The following TRIML1 variants were observed in gnomAD, a reference collection of about 807,000 sequenced individuals.
The protein encoded by TRIML1 is tripartite motif family like 1.
In TRIML1, 34 loss-of-function variants were observed where a neutral mutation model predicts 32.3. The observed-to-expected ratio is 1.05, with a 90% CI of 0.80 to 1.40. The LOEUF is 1.40. Ranked by LOEUF, TRIML1 falls within the 40% of genes most tolerant of loss-of-function variation. The probability of loss-of-function intolerance (pLI) is 0.00; values close to 1 mark genes in which losing one functional copy is unlikely to be tolerated. For synonymous variants in TRIML1, 244 were observed against 226.6 expected (o/e 1.08, Z -0.69); for missense variants, 595 against 574.9 (o/e 1.03, Z -0.36).
chr4:188,140,839 T>G, intron 2 of TRIML1: 1 of 473,132 alleles, frequency 2.1e-6, no homozygotes, highest in East Asian at 3.4e-5. Context: ...CTCCTTTGCA[T>G]AACTAGACAA....
At chr4:188,144,647 C>G (rs980221287) in intron 5 of TRIML1, among the ~76,000 whole-genome samples, 1 of 152,024 alleles carries the variant, frequency 6.6e-6, no homozygotes, top group South Asian at 2.1e-4. Flanking sequence ...CAGGCGTGAG[C>G]CACTGCGCCC....
downstream of TRIML1, among the ~76,000 whole-genome samples, chr4:188,149,379 T>C (rs140622482): frequency 8.5e-5 from 13 of 152,280 alleles, no homozygotes; most frequent in African/African-American, 3.1e-4. Flanking sequence ...ACTGTGTTAT[T>C]ACTAAGATGT....
At chr4:188,140,111 C>T in intron 1 of TRIML1, 145 bp downstream of exon 1, 1 of 806,014 alleles carries the variant, frequency 1.2e-6, no homozygotes, top group Non-Finnish European at 1.9e-6. Context: ...GTCCAGTTTA[C>T]ACCCTTTTTT....
Position 188,147,583 on chromosome 4 carries a change from T to C in TRIML1, c.*211T>C, listed in dbSNP as rs1442425403. ...AACCCCAATAGAAGAGAGCTGATCA[T>C]ATTCTGTGTCTTTAAGTAAATGTAT... On this transcript the variant is annotated 3_prime_UTR_variant, in exon 6 of 6. Transcript: ENST00000332517. 1 of 397,268 alleles carries C rather than the reference T, an allele frequency of 2.5e-6. No homozygotes were observed. The highest frequency in any genetic ancestry group is 4.4e-6 in the Non-Finnish European group (1 of 227,120). The allele number at this position is 397,268 out of a possible 1,614,324, so 24.6% of individuals were successfully genotyped here.
At chr4:188,142,672 C>A (rs76597086) in intron 3 of TRIML1, among the ~76,000 whole-genome samples, 190 bp downstream of exon 3, 14,129 of 148,770 alleles carry the variant, frequency 0.095, 782 homozygotes, top group East Asian at 0.23. Flanking sequence ...AAAAAAAAAA[C>A]ACATCCAGAG....
At chr4:188,150,108 T>A (rs891595483), downstream of TRIML1, among the ~76,000 whole-genome samples, 1 of 145,082 alleles carries the variant, frequency 6.9e-6, no homozygotes, top group African/African-American at 2.6e-5. Flanking sequence ...CCGGCCTTAT[T>A]TTATTTATTT....
At chr4:188,146,069 G>A (rs1206605252) in intron 5 of TRIML1, among the ~76,000 whole-genome samples, 2 of 152,154 alleles carry the variant, frequency 1.3e-5, no homozygotes, top group Non-Finnish European at 2.9e-5. Flanking sequence ...AAGAATGCTT[G>A]CAGTGATTAA....
rs1005833125 is a variant in TRIML1, at chr4:188,147,674, C to T, written c.*302C>T. 1.4e-5 allele frequency: 4 copies of T among 281,450 alleles called. No homozygotes were observed. The highest frequency in any genetic ancestry group is 6.5e-5 in the African/African-American group (3 of 46,014). 17.4% of individuals were successfully genotyped at this position (281,450 alleles called of 1,614,324 possible). On this transcript the variant is annotated 3_prime_UTR_variant, in exon 6 of 6. Transcript: ENST00000332517. ...TGAGCCCCTATTACCATGAATCCTA[C>T]TGCCATAGGCCAGATTTTATAAATA...
downstream of TRIML1, among the ~76,000 whole-genome samples, chr4:188,150,759 A>C (rs1046237018): frequency 6.6e-6 from 1 of 151,322 alleles, no homozygotes; most frequent in Non-Finnish European, 1.5e-5. Flanking sequence ...AGGGCCTGCC[A>C]CTGATGAGGT....
rs534601514 is a variant in TRIML1 at position 188,141,803 on chromosome 4, G to A, written c.505-449G>A. 2.6e-5 allele frequency among the ~76,000 whole-genome samples: 4 copies of A among 152,048 alleles called. No individual in the cohort carries two copies. The East Asian group carries it at 7.8e-4, about 30-fold the overall frequency. Reference sequence around the variant, plus strand: ...AAATGTATTATATGTTGGATTTCAGGAATTGTTGCCATGAAACTCTAGGAC... The same window carrying A: ...AAATGTATTATATGTTGGATTTCAGAAATTGTTGCCATGAAACTCTAGGAC... On this transcript the variant is annotated intron_variant, in intron 2 of 5. Coordinates refer to ENST00000332517, the MANE Select transcript of TRIML1 (RefSeq NM_178556.5).
chr4:188,142,785 G>T, intron 3 of TRIML1: 1 of 293,988 alleles, frequency 3.4e-6, no homozygotes, highest in Non-Finnish European at 6.3e-6. Context: ...TTATTAATGT[G>T]TATTTACTAT....
chr4:188,144,075 C>T lies in TRIML1; in HGVS notation c.798C>T (p.Thr266=), dbSNP rs1218667628. 1.2e-6 allele frequency: 2 copies of T among 1,613,954 alleles called. No individual in the cohort carries two copies. The highest frequency in any genetic ancestry group is 1.3e-5 in the African/African-American group (1 of 74,924). Residue 266 remains threonine, a synonymous_variant, in exon 5 of 6, where the codon ACC becomes ACT. Coordinates refer to ENST00000332517, the MANE Select transcript of TRIML1 (RefSeq NM_178556.5). The part of the protein sequence containing the change: ...PLLLQCPEAT[T]TELSLCRITG... The stretch of plus-strand genomic sequence containing the variant: ...TGCTTCAGTGTCCAGAGGCCACCAC[C>T]ACAGAGCTGAGTCTGTGCCGCATCA...
rs773320924 is a variant in TRIML1, at chr4:188,147,369, C to T, written c.1404C>T (p.Val468=). The T allele has an allele frequency of 7.4e-6, 11 of 1,492,514 alleles. No individual in the cohort carries two copies. Among genetic ancestry groups the T allele is most frequent in the Non-Finnish European group, 9.8e-6 (11 of 1,122,908 alleles). The allele number at this position is 1,492,514 out of a possible 1,614,324, so 92.5% of individuals were successfully genotyped here. Residue 468 remains valine (V), a synonymous_variant, in exon 6 of 6, where the codon GTC becomes GTT. Coordinates refer to ENST00000332517, the MANE Select transcript of TRIML1 (RefSeq NM_178556.5). ...PLTICSLNSH[V] is the part of the protein sequence containing the mutation. ...CCATCTGCTCACTGAACAGCCACGTCTGAGGGGCGTGCCCTGAGCCGTCAC... is the reference window on the plus strand; with the variant it reads ...CCATCTGCTCACTGAACAGCCACGTTTGAGGGGCGTGCCCTGAGCCGTCAC...
At chr4:188,149,326 T>G (rs186333329), downstream of TRIML1, among the ~76,000 whole-genome samples, 258 of 152,262 alleles carry the variant, frequency 1.7e-3, 1 homozygote, top group African/African-American at 6.0e-3. Flanking sequence ...GCCATTGTCC[T>G]AAGGCAGGCA....
downstream of TRIML1, among the ~76,000 whole-genome samples, chr4:188,149,804 G>GTATT (rs1003819487): frequency 1.4e-4 from 22 of 152,032 alleles, no homozygotes; most frequent in Non-Finnish European, 1.5e-5. Flanking sequence ...TCTTATTTAT[G>GTATT]TATTTATTTA....
chr4:188,139,494 G>A lies in TRIML1; in HGVS notation c.-65G>A. 1 of 1,484,626 alleles carries A rather than the reference G, an allele frequency of 6.7e-7. No individual in the cohort carries two copies. The highest frequency in any genetic ancestry group is 9.1e-7 in the Non-Finnish European group (1 of 1,104,656). 92.0% of individuals were successfully genotyped at this position (1,484,626 alleles called of 1,614,324 possible). On this transcript the variant is annotated 5_prime_UTR_variant, in exon 1 of 6. Coordinates refer to ENST00000332517, the MANE Select transcript of TRIML1 (RefSeq NM_178556.5). ...GCGTGTTACTCAAAACTGTAGGACGGCAGTGAGGGCTTTGCTAATCCCAGA... is the reference window on the plus strand; with the variant it reads ...GCGTGTTACTCAAAACTGTAGGACGACAGTGAGGGCTTTGCTAATCCCAGA...
chr4:188,147,958 T>C (rs1735151250), downstream of TRIML1, among the ~76,000 whole-genome samples: 1 of 152,160 alleles, frequency 6.6e-6, no homozygotes, highest in Non-Finnish European at 1.5e-5. Context: ...ACACTGCAAA[T>C]ATTTGTGTGA....
intron 5 of TRIML1, 92 bp from the exon 6 acceptor site, chr4:188,146,730 G>C: frequency 9.4e-7 from 1 of 1,061,114 alleles, no homozygotes; most frequent in Non-Finnish European, 1.3e-6. Flanking sequence ...AAAAAACCAG[G>C]ACTAAATACT....
At position 188,146,862 on chromosome 4, in the gene TRIML1, C is replaced by T. The variant is rs201972598; in HGVS notation, c.897C>T (p.Leu299=). ...TLDPATANAY[L]VLSEDLKSVK... is the part of the protein sequence containing the mutation. ...ACCCAGCCACAGCTAATGCCTATCT[C>T]GTGTTGTCGGAGGATCTGAAGAGTG... is the stretch of plus-strand genomic sequence containing the variant. Residue 299 remains leucine (L), a synonymous_variant, in exon 6 of 6, where the codon CTC becomes CTT. Transcript: ENST00000332517. The T allele has an allele frequency of 5.5e-5, 80 of 1,444,604 alleles. No homozygotes were observed. The highest frequency in any genetic ancestry group is 2.7e-4 in the East Asian group (11 of 40,978). The allele number at this position is 1,444,604 out of a possible 1,614,324, so 89.5% of individuals were successfully genotyped here. A position where few individuals can be genotyped will look rare whatever the true frequency, so the allele number is the denominator to read the frequency against.
Sources: gnomAD v4.1 joint callset for allele counts (sites outside exome capture counted in the v4.1 genomes callset) on GRCh38, gnomAD v4.1.1 for gene constraint, MANE v1.5 for transcripts, NCBI Gene and HGNC (gene_info 2026-07-23, HGNC 2026-07-21) for gene names.